PRDM15: variants seen among roughly 807,000 people sequenced by gnomAD.
PRDM15 encodes PR domain zinc finger protein 15.
PRDM15 carries 64 observed loss-of-function variants against 128.6 expected under a neutral mutation model. The ratio of observed to expected loss-of-function variants is 0.50; its 90% confidence interval spans 0.41 to 0.61. The LOEUF is 0.61. Ranked by LOEUF, PRDM15 falls within the 20% of genes least tolerant of loss-of-function variation. The pLI, the probability that PRDM15 is intolerant of heterozygous loss-of-function variation, is 0.00. For missense variants in PRDM15, 1,242 were observed against 1,569.1 expected (o/e 0.79, Z 3.52); for synonymous variants, 615 against 621.8 (o/e 0.99, Z 0.16).
At chr21:41,850,955 T>C (rs141829210) in intron 5 of PRDM15, among the ~76,000 whole-genome samples, 109 of 152,124 alleles carry the variant, frequency 7.2e-4, no homozygotes, top group African/African-American at 2.6e-3. Flanking sequence ...AGTCACTGAG[T>C]CTTAGGATCT....
At chr21:41,835,335 TG>T (rs1322190321) in intron 11 of PRDM15, 101 bp downstream of exon 11, 1 of 972,726 alleles carries the variant, frequency 1.0e-6, no homozygotes, top group Non-Finnish European at 1.6e-6. Flanking sequence ...TGTCTATTCA[TG>T]AAAACAATCT....
chr21:41,804,197 C>T (rs973168883), intron 22 of PRDM15, among the ~76,000 whole-genome samples: 1 of 152,240 alleles, frequency 6.6e-6, no homozygotes, highest in Non-Finnish European at 1.5e-5. Context: ...CTCCTGACCT[C>T]AAGTGATCTG....
Position 41,835,534 on chromosome 21 carries a change from G to C in PRDM15, c.1279-10C>G. On this transcript the variant is annotated splice_polypyrimidine_tract_variant and intron_variant, in intron 10 of 23. Coordinates refer to ENST00000398548, the MANE Select transcript of PRDM15 (RefSeq NM_001040424.3). ...TGTACTCGCCGTCCACCTGGTCAGA[G>C]GGACACGCCGTGAGTGAGATGGCCC... 1 of 1,604,408 alleles carries C rather than the reference G, an allele frequency of 6.2e-7. No homozygotes were observed. Among genetic ancestry groups the C allele is most frequent in the Non-Finnish European group, 8.5e-7 (1 of 1,176,964 alleles).
At chr21:41,819,822 T>G (rs2062187795) in intron 17 of PRDM15, 121 bp from the exon 18 acceptor site, 1 of 1,320,978 alleles carries the variant, frequency 7.6e-7, no homozygotes, top group Admixed American at 2.1e-5. Flanking sequence ...GTAACAGGGG[T>G]GGGGTCGCCT....
intron 1 of PRDM15, among the ~76,000 whole-genome samples, chr21:41,871,246 C>T (rs1442678770): frequency 2.0e-5 from 3 of 152,178 alleles, no homozygotes; most frequent in African/African-American, 7.2e-5. Flanking sequence ...TCTCATTTCC[C>T]ATTAAATACA....
At position 41,879,221 on chromosome 21, in the gene PRDM15, G is replaced by GCGGGGCGCACGC. The variant is rs1389565830; in HGVS notation, c.-10+37_-10+48dup. 1.2e-6 allele frequency: 1 copy of GCGGGGCGCACGC among 830,622 alleles called. No homozygotes were observed. Among genetic ancestry groups the GCGGGGCGCACGC allele is most frequent in the African/African-American group, 1.9e-5 (1 of 52,916 alleles). The allele number at this position is 830,622 out of a possible 1,614,324, so 51.5% of individuals were successfully genotyped here. A position where few individuals can be genotyped will look rare whatever the true frequency, so the allele number is the denominator to read the frequency against. ...GGGCAGCGGGTGCGGCCCGGGGCCG[G>GCGGGGCGCACGC]CGGGGCGCACGCCGGGGCGGGCGGC... On this transcript the variant is annotated intron_variant, in intron 1 of 23. Transcript: ENST00000398548. This position sits in a 1 kb window ranked among gnomAD's most constrained non-coding sequence, Gnocchi z 5.1.
At chr21:41,877,977 A>T in intron 1 of PRDM15, among the ~76,000 whole-genome samples, 1 of 152,278 alleles carries the variant, frequency 6.6e-6, no homozygotes, top group Non-Finnish European at 1.5e-5. Context: ...GGAAGGAGTG[A>T]AGCAGTGAAA....
Position 41,818,463 on chromosome 21 carries a change from A to G in PRDM15, c.2260+1119T>C, listed in dbSNP as rs201980047. Among the ~76,000 whole-genome samples the G allele has an allele frequency of 4.0e-5, 5 of 123,938 alleles. No individual in the cohort carries two copies. In the East Asian group the frequency reaches 1.1e-3, roughly 28 times the overall value. 81.3% of individuals were successfully genotyped at this position (123,938 alleles called of 152,430 possible). A position where few individuals can be genotyped will look rare whatever the true frequency, so the allele number is the denominator to read the frequency against. ...GCGAGGTGCATGCGCTGCTTTTTTA[A>G]TAACCACCCATGTGCCGTCCTTGCG... is the stretch of plus-strand genomic sequence containing the variant. On this transcript the variant is annotated intron_variant, in intron 18 of 23. Coordinates refer to ENST00000398548, the MANE Select transcript of PRDM15 (RefSeq NM_001040424.3).
At chr21:41,844,251 T>C (rs926049909) in intron 6 of PRDM15, among the ~76,000 whole-genome samples, 2 of 152,002 alleles carry the variant, frequency 1.3e-5, no homozygotes, top group African/African-American at 2.4e-5. Context: ...AACCCGTCTG[T>C]CATGTGGCTC....
At chr21:41,822,088 C>T (rs1159159328) in intron 14 of PRDM15, 51 bp from the exon 15 acceptor site, 15 of 1,609,206 alleles carry the variant, frequency 9.3e-6, no homozygotes, top group Admixed American at 1.7e-5. Flanking sequence ...AGACGCTTCA[C>T]TCAGTTATCT....
intron 21 of PRDM15, among the ~76,000 whole-genome samples, chr21:41,806,746 CCAT>C (rs1301175871): frequency 4.2e-5 from 6 of 143,796 alleles, no homozygotes; most frequent in Admixed American, 2.7e-4. Flanking sequence ...CATACCACCA[CCAT>C]CACCACCGCC....
intron 11 of PRDM15, among the ~76,000 whole-genome samples, chr21:41,835,058 G>A (rs1179409210): frequency 2.0e-5 from 3 of 152,130 alleles, no homozygotes; most frequent in African/African-American, 7.2e-5. Flanking sequence ...AGCAAGCGAG[G>A]AGCGCTCACA....
rs781310540 is a variant in PRDM15, at chr21:41,835,543, C to T, written c.1279-19G>A. 5.6e-6 allele frequency: 9 copies of T among 1,600,500 alleles called. No individual in the cohort carries two copies. The highest frequency in any genetic ancestry group is 2.2e-5 in the East Asian group (1 of 44,672). On this transcript the variant is annotated intron_variant, in intron 10 of 23. Coordinates refer to ENST00000398548, the MANE Select transcript of PRDM15 (RefSeq NM_001040424.3). Reference sequence around the variant, plus strand: ...CGTCCACCTGGTCAGAGGGACACGCCGTGAGTGAGATGGCCCAGCGCAGAG... The same window carrying T: ...CGTCCACCTGGTCAGAGGGACACGCTGTGAGTGAGATGGCCCAGCGCAGAG...
In PRDM15 at chr21:41,879,201, G is replaced by T; in HGVS notation, c.-10+69C>A. ...GGGCGCGCCGGGGCTCGCGGGGGCA[G>T]CGGGTGCGGCCCGGGGCCGGCGGGG... On this transcript the variant is annotated intron_variant, in intron 1 of 23. Coordinates refer to ENST00000398548, the MANE Select transcript of PRDM15 (RefSeq NM_001040424.3). The surrounding 1 kb of genome is among the most constrained non-coding windows in gnomAD (Gnocchi z 5.1). 1 of 781,380 alleles carries T rather than the reference G, an allele frequency of 1.3e-6. No individual in the cohort carries two copies. 48.4% of individuals were successfully genotyped at this position (781,380 alleles called of 1,614,324 possible).
chr21:41,836,772 G>T (rs181935267), intron 8 of PRDM15, 123 bp from the exon 9 acceptor site: 31 of 761,890 alleles, frequency 4.1e-5, no homozygotes, highest in Admixed American at 1.7e-4. Context: ...ATGCGAGAAA[G>T]GAGGGAATGC....
At chr21:41,874,614 T>C (rs1018830102) in intron 1 of PRDM15, 12 of 148,076 alleles carry the variant, frequency 8.1e-5, no homozygotes, top group Non-Finnish European at 1.6e-4. Context: ...CAGACTCTGG[T>C]CCAGTGAGTG....
intron 1 of PRDM15, among the ~76,000 whole-genome samples, chr21:41,874,017 G>C (rs748660877): frequency 2.0e-5 from 3 of 150,426 alleles, no homozygotes; most frequent in Admixed American, 6.6e-5. Context: ...AGACGAGATG[G>C]AGATCGCACC....
intron 11 of PRDM15, among the ~76,000 whole-genome samples, chr21:41,830,093 T>TA (rs1203510986): frequency 6.9e-6 from 1 of 145,966 alleles, no homozygotes; most frequent in Non-Finnish European, 1.5e-5. Context: ...ATACTCAACA[T>TA]ACACCACAAA....
rs950064267 is a variant in PRDM15 at position 41,857,399 on chromosome 21, T to C, written c.132-70A>G. On this transcript the variant is annotated intron_variant, in intron 3 of 23. Transcript: ENST00000398548. ...CAGGGACCGACTCGTTAAGATAACC[T>C]AAAAGCTCGCCCTCACTGACCGCCA... 3.1e-5 allele frequency: 48 copies of C among 1,542,674 alleles called. No homozygotes were observed. The East Asian group carries it at 1.1e-3, about 34-fold the overall frequency.
Sources: allele counts gnomAD v4.1 joint callset (sites outside exome capture counted in the v4.1 genomes callset), GRCh38; gene constraint gnomAD v4.1.1; non-coding constraint Gnocchi (gnomAD v3.1); transcripts MANE v1.5; gene names NCBI Gene and HGNC (gene_info 2026-07-23, HGNC 2026-07-21).